The following THADA variants were observed in gnomAD, a reference collection of about 807,000 sequenced individuals.
THADA encodes the protein tRNA (32-2'-O)-methyltransferase regulator THADA.
A neutral mutation model predicts 219.8 loss-of-function variants in THADA; 213 were observed. That is an observed-to-expected ratio of 0.97 (90% CI 0.87 to 1.09). The LOEUF is 1.09. Ranked by LOEUF, THADA falls within the 50% of genes least tolerant of loss-of-function variation. THADA has a pLI of 0.00. For missense variants in THADA, 2,956 were observed against 2,311.3 expected, an observed-to-expected ratio of 1.28 and a Z score of -5.72; for synonymous variants, 1,018 against 828.9, an observed-to-expected ratio of 1.23 and a Z score of -3.92.
At chr2:43,347,479 CAATT>C (rs1667759436) in intron 29 of THADA, among the ~76,000 whole-genome samples, 1 of 152,118 alleles carries the variant, frequency 6.6e-6, no homozygotes. Context: ...GCAGTGAAAA[CAATT>C]AAAACACATT....
At position 43,541,217 on chromosome 2, in the gene THADA, T is replaced by C. The variant is rs374772675; in HGVS notation, c.3206A>G (p.Gln1069Arg). 1.6e-5 allele frequency: 25 copies of C among 1,611,022 alleles called. No individual in the cohort carries two copies. In the African/African-American group the frequency reaches 2.8e-4, roughly 18 times the overall value. Residue 1069 changes from glutamine (Q) to arginine (R), a missense_variant, in exon 21 of 38, where the codon CAG becomes CGG. Physicochemically the swap from Gln to Arg is conservative, Grantham distance 43. Coordinates refer to ENST00000405975, the MANE Select transcript of THADA (RefSeq NM_022065.5). ...EVALLLGMLC[Q>R]LLPMQPVPES... ...TGGCACAGGCTGCATGGGCAGAAGC[T>C]GGCACAACATGCCTAAAAGTAAAGC...
At chr2:43,248,380 C>T (rs974442531) in intron 36 of THADA, among the ~76,000 whole-genome samples, 11 of 151,812 alleles carry the variant, frequency 7.2e-5, no homozygotes, top group African/African-American at 2.4e-4. Flanking sequence ...CAGGCGTGCA[C>T]CACCATGCCT....
At position 43,359,365 on chromosome 2, in the gene THADA, G is replaced by A. The variant is rs75084604; in HGVS notation, c.4228-15128C>T. On this transcript the variant is annotated intron_variant, in intron 29 of 37. Transcript: ENST00000405975. ...GATATCAGTCCTTATGAGCCTCCTC[G>A]GATCCCTGAGAGTCATCAAAAAACC... 4.3e-3 allele frequency among the ~76,000 whole-genome samples: 659 copies of A among 152,252 alleles called. 5 individuals are homozygous for A. The highest frequency in any genetic ancestry group is 0.015 in the African/African-American group (608 of 41,558).
intron 27 of THADA, 137 bp from the exon 28 acceptor site, chr2:43,428,368 G>A (rs1035570754): frequency 7.7e-6 from 6 of 779,018 alleles, no homozygotes; most frequent in African/African-American, 3.6e-5. Context: ...AGCACTTTGG[G>A]AGGCCGAGGC....
intron 31 of THADA, among the ~76,000 whole-genome samples, chr2:43,300,198 C>T (rs1464609607): frequency 6.6e-6 from 1 of 151,742 alleles, no homozygotes; most frequent in East Asian, 1.9e-4. Context: ...TGCAGTGGCA[C>T]CATCTCGGCT....
At chr2:43,584,079 G>T (rs983707975) in intron 7 of THADA, among the ~76,000 whole-genome samples, 2 of 137,254 alleles carry the variant, frequency 1.5e-5, no homozygotes, top group Non-Finnish European at 3.2e-5. Context: ...AATGAAATAA[G>T]CCTGACACAA....
At chr2:43,510,383 C>T (rs139128709) in intron 22 of THADA, among the ~76,000 whole-genome samples, 8 of 152,138 alleles carry the variant, frequency 5.3e-5, no homozygotes, top group African/African-American at 1.9e-4. Context: ...CAAATACACA[C>T]GTTTATGTGT....
rs770948035 is a variant in THADA, at chr2:43,577,205, C to G, written c.854G>C (p.Ser285Thr). Residue 285 changes from serine to threonine, a missense_variant, in exon 10 of 38, where the codon AGT becomes ACT. Physicochemically the swap from Ser to Thr is moderately conservative, Grantham distance 58. Transcript: ENST00000405975. ...SVLLRSVDCT[S>T]VPEWFMSSCR... ...GCTGCTCATAAACCACTCGGGGACACTGGTGCAGTCCACTGAACGAAGCAG... is the reference window on the plus strand; with the variant it reads ...GCTGCTCATAAACCACTCGGGGACAGTGGTGCAGTCCACTGAACGAAGCAG... 1 of 1,601,454 alleles carries G rather than the reference C, an allele frequency of 6.2e-7. No homozygotes were observed. Among genetic ancestry groups the G allele is most frequent in the Admixed American group, 1.7e-5 (1 of 57,904 alleles).
In THADA at chr2:43,545,309, C is replaced by G. The variant is rs559975411; in HGVS notation, c.3106+3901G>C. On this transcript the variant is annotated intron_variant, in intron 20 of 37. Transcript: ENST00000405975. Reference sequence around the variant, plus strand: ...TATTGAGGATTTTTGCATCAATGTTCATCAAGGATATTGGTCTATAATTCT... The same window carrying G: ...TATTGAGGATTTTTGCATCAATGTTGATCAAGGATATTGGTCTATAATTCT... Among the ~76,000 whole-genome samples the G allele has an allele frequency of 2.8e-3, 427 of 151,856 alleles. 1 individual carries two copies. Among genetic ancestry groups the G allele is most frequent in the Non-Finnish European group, 4.2e-3 (284 of 68,014 alleles).
intron 30 of THADA, among the ~76,000 whole-genome samples, chr2:43,326,736 A>C (rs1679378676): frequency 6.6e-6 from 1 of 152,164 alleles, no homozygotes; most frequent in Admixed American, 6.5e-5. Context: ...TGAAGACCCC[A>C]GTGGGATCCC....
chr2:43,339,204 T>C (rs1317387398), intron 30 of THADA, among the ~76,000 whole-genome samples: 1 of 152,198 alleles, frequency 6.6e-6, no homozygotes, highest in East Asian at 1.9e-4. Flanking sequence ...CACACAACAA[T>C]GAAGGGGAAA....
intron 22 of THADA, among the ~76,000 whole-genome samples, chr2:43,511,809 A>G (rs1690494432): frequency 6.6e-6 from 1 of 152,196 alleles, no homozygotes; most frequent in Admixed American, 6.6e-5. Flanking sequence ...ACTAGGTATT[A>G]GGCGTACATG....
intron 17 of THADA, among the ~76,000 whole-genome samples, chr2:43,554,038 T>C (rs945627247): frequency 2.0e-5 from 3 of 152,208 alleles, no homozygotes; most frequent in Non-Finnish European, 4.4e-5. Flanking sequence ...AGACATAGGA[T>C]TTGCAAATAC....
intron 26 of THADA, among the ~76,000 whole-genome samples, chr2:43,438,979 T>C (rs948271036): frequency 2.6e-5 from 4 of 152,252 alleles, no homozygotes; most frequent in African/African-American, 9.6e-5. Flanking sequence ...TGTGAGATTT[T>C]ATCATGTGAG....
intron 15 of THADA, chr2:43,564,332 TAGGGC>T (rs1698421065): frequency 6.6e-6 from 1 of 152,230 alleles, no homozygotes; most frequent in Admixed American, 6.5e-5. Context: ...AAGGTGTCAG[TAGGGC>T]CATGCACTCC....
intron 29 of THADA, among the ~76,000 whole-genome samples, chr2:43,377,597 T>A (rs1020589480): frequency 2.6e-5 from 4 of 152,198 alleles, no homozygotes; most frequent in Admixed American, 2.6e-4. Flanking sequence ...CTCCATCATC[T>A]GATCGGGGAT....
At position 43,520,751 on chromosome 2, in the gene THADA, TCAA is replaced by T. The variant is rs549273521; in HGVS notation, c.3374+7125_3374+7127del. Among the ~76,000 whole-genome samples, 837 of 148,258 alleles carry T rather than the reference TCAA, an allele frequency of 5.6e-3. 5 individuals are homozygous for T. The highest frequency in any genetic ancestry group is 0.019 in the African/African-American group (718 of 38,758). Reference sequence around the variant, plus strand: ...ACACACACACACACACACATATATATCAACAACAACAACAACAAACGGTTTACC... The same window carrying T: ...ACACACACACACACACACATATATATCAACAACAACAACAAACGGTTTACC... On this transcript the variant is annotated intron_variant, in intron 22 of 37. Transcript: ENST00000405975.
chr2:43,333,710 C>T (rs1173662306), intron 30 of THADA, among the ~76,000 whole-genome samples: 2 of 152,172 alleles, frequency 1.3e-5, no homozygotes, highest in South Asian at 2.1e-4. Flanking sequence ...GCCACATGAT[C>T]ATCTGAATAT....
chr2:43,413,884 T>TCAAC (rs2104767860), intron 28 of THADA, among the ~76,000 whole-genome samples: 1 of 152,348 alleles, frequency 6.6e-6, no homozygotes, highest in Admixed American at 6.5e-5. Context: ...TATTGTACAG[T>TCAAC]TGGCCCTCAG....
Sources: gnomAD v4.1 joint callset for allele counts (sites outside exome capture counted in the v4.1 genomes callset) on GRCh38, gnomAD v4.1.1 for gene constraint, MANE v1.5 for transcripts, NCBI Gene and HGNC (gene_info 2026-07-23, HGNC 2026-07-21) for gene names.